The following KDM5A variants were observed in gnomAD, a reference collection of about 807,000 sequenced individuals.
KDM5A encodes the protein lysine demethylase 5A, also known as lysine-specific demethylase 5A.
In KDM5A, 42 loss-of-function variants were observed where a neutral mutation model predicts 193.5. The observed-to-expected ratio is 0.22, with a 90% CI of 0.17 to 0.28. The LOEUF (loss-of-function observed/expected upper bound fraction) is 0.28. KDM5A is among the 10% of genes least tolerant of loss of function. The pLI, the probability that KDM5A is intolerant of heterozygous loss-of-function variation, is 1.00. For synonymous variants in KDM5A, 796 were observed against 718.1 expected (o/e 1.11, Z -1.73); for missense variants, 1,692 against 2,055.1 (o/e 0.82, Z 3.42).
At chr12:306,295 T>G (rs1483061374) in intron 24 of KDM5A, among the ~76,000 whole-genome samples, 6 of 152,038 alleles carry the variant, frequency 3.9e-5, no homozygotes, top group Non-Finnish European at 8.8e-5. Flanking sequence ...TTCTTAAAAC[T>G]TAACTGTATA....
At chr12:312,847 G>C (rs1943605621) in intron 20 of KDM5A, among the ~76,000 whole-genome samples, 1 of 152,064 alleles carries the variant, frequency 6.6e-6, no homozygotes, top group Admixed American at 6.6e-5. Context: ...TGCTAGCCTG[G>C]CACAAGTTCA....
intron 3 of KDM5A, among the ~76,000 whole-genome samples, chr12:383,172 A>G (rs897337185): frequency 2.0e-5 from 3 of 152,024 alleles, no homozygotes; most frequent in Non-Finnish European, 4.4e-5. Context: ...TATACCACAC[A>G]TAAGAATGCT....
intron 10 of KDM5A, among the ~76,000 whole-genome samples, chr12:342,851 A>C (rs973749792): frequency 1.3e-5 from 2 of 151,304 alleles, no homozygotes; most frequent in African/African-American, 4.9e-5. Flanking sequence ...TACAGCTTCC[A>C]GCGTGCTCAA....
chr12:342,263 A>G (rs1944015066), intron 10 of KDM5A, among the ~76,000 whole-genome samples: 1 of 152,194 alleles, frequency 6.6e-6, no homozygotes, highest in African/African-American at 2.4e-5. Flanking sequence ...ATTGCCAATT[A>G]TAGGGGGAAA....
chr12:358,759 G>A (rs1162666719), intron 5 of KDM5A, among the ~76,000 whole-genome samples: 2 of 151,730 alleles, frequency 1.3e-5, no homozygotes, highest in Non-Finnish European at 2.9e-5. Context: ...GGATCACAAG[G>A]TCCGTAATTC....
chr12:349,201 G>C (rs973626604), intron 10 of KDM5A, among the ~76,000 whole-genome samples: 12 of 151,470 alleles, frequency 7.9e-5, no homozygotes, highest in Non-Finnish European at 1.8e-4. Context: ...TTTATATTTA[G>C]TAGAGACGGG....
chr12:370,721 T>G (rs925076629), intron 3 of KDM5A, among the ~76,000 whole-genome samples: 3 of 152,158 alleles, frequency 2.0e-5, no homozygotes, highest in Non-Finnish European at 4.4e-5. Flanking sequence ...ACACATTAAC[T>G]AATCACTTAC....
chr12:294,151 C>A (rs1943339544), intron 26 of KDM5A, among the ~76,000 whole-genome samples: 1 of 152,064 alleles, frequency 6.6e-6, no homozygotes, highest in South Asian at 2.1e-4. Flanking sequence ...AGTGACTTTG[C>A]CAAGGGCTAG....
intron 22 of KDM5A, among the ~76,000 whole-genome samples, chr12:308,707 ACTT>A (rs1340669949): frequency 6.6e-6 from 1 of 152,206 alleles, no homozygotes. Context: ...TTCCAGTCCT[ACTT>A]GTCTAGCAAG....
chr12:303,881 G>C (rs1943474196), intron 24 of KDM5A, among the ~76,000 whole-genome samples: 1 of 152,194 alleles, frequency 6.6e-6, no homozygotes, highest in African/African-American at 2.4e-5. Flanking sequence ...TTCATGTAAT[G>C]TCATTGGTAG....
intron 6 of KDM5A, 105 bp downstream of exon 6, chr12:356,327 A>G (rs1218507692): frequency 2.6e-6 from 2 of 783,280 alleles, no homozygotes; most frequent in South Asian, 1.5e-5. Context: ...CGATTTTACA[A>G]TTCTTAAGAA....
intron 27 of KDM5A, among the ~76,000 whole-genome samples, chr12:287,789 A>G (rs1421053154): frequency 6.6e-6 from 1 of 152,158 alleles, no homozygotes; most frequent in Non-Finnish European, 1.5e-5. Context: ...ATGCTAATCC[A>G]TTGGATAAGA....
chr12:368,262 G>A (rs73041869), intron 3 of KDM5A, among the ~76,000 whole-genome samples: 99 of 152,256 alleles, frequency 6.5e-4, no homozygotes, highest in Non-Finnish European at 1.3e-3. Flanking sequence ...TGGTGGAAGG[G>A]AGAAGTCCTG....
At chr12:298,248 G>A (rs559612693) in intron 24 of KDM5A, among the ~76,000 whole-genome samples, 7 of 152,288 alleles carry the variant, frequency 4.6e-5, no homozygotes, top group South Asian at 2.1e-4. Context: ...GCATCCTGAC[G>A]GGGAGACACC....
chr12:376,033 C>T (rs143815685), intron 3 of KDM5A, among the ~76,000 whole-genome samples: 4,415 of 152,326 alleles, frequency 0.029, 207 homozygotes, highest in African/African-American at 0.099. Flanking sequence ...GGTCAGGGAC[C>T]CACATAAGGA....
In KDM5A at chr12:338,305, G is replaced by C. The variant is rs1943959261; in HGVS notation, c.1309-3883C>G. On this transcript the variant is annotated intron_variant, in intron 10 of 27. Coordinates refer to ENST00000399788, the MANE Select transcript of KDM5A (RefSeq NM_001042603.3). Reference sequence around the variant, plus strand: ...TTTCCTTCTAGGAGTTTGGAATTTTGGTATGTGATTCACAAAGGGTGCCCA... The same window carrying C: ...TTTCCTTCTAGGAGTTTGGAATTTTCGTATGTGATTCACAAAGGGTGCCCA... Among the ~76,000 whole-genome samples the C allele has an allele frequency of 2.6e-5, 4 of 152,264 alleles. No homozygotes were observed. In the South Asian group the frequency reaches 8.3e-4, roughly 32 times the overall value.
chr12:357,191 G>A (rs955624552), intron 5 of KDM5A, among the ~76,000 whole-genome samples: 3 of 152,068 alleles, frequency 2.0e-5, no homozygotes, highest in African/African-American at 7.2e-5. Context: ...TGAGGCTGGA[G>A]ATCACTTGAG....
chr12:368,442 A>C (rs753893295), intron 3 of KDM5A, among the ~76,000 whole-genome samples: 2 of 152,198 alleles, frequency 1.3e-5, no homozygotes, highest in Non-Finnish European at 2.9e-5. Flanking sequence ...TACTAGTTAT[A>C]TGACCTTGGC....
In KDM5A at chr12:310,742, G is replaced by A. The variant is rs28372840; in HGVS notation, c.3216+143C>T. 774 of 960,170 alleles carry A rather than the reference G, an allele frequency of 8.1e-4. 17 individuals carry two copies. In the East Asian group the frequency reaches 0.019, roughly 24 times the overall value. The allele number at this position is 960,170 out of a possible 1,614,324, so 59.5% of individuals were successfully genotyped here. A position where few individuals can be genotyped will look rare whatever the true frequency, so the allele number is the denominator to read the frequency against. On this transcript the variant is annotated intron_variant, in intron 21 of 27. Coordinates refer to ENST00000399788, the MANE Select transcript of KDM5A (RefSeq NM_001042603.3). The stretch of plus-strand genomic sequence containing the variant: ...TTAACTGGAAATGAATCTGCCCAAG[G>A]TTCCAGATTTCAAGTCAACATCTGA...
Sources: gnomAD v4.1 joint callset for allele counts (sites outside exome capture counted in the v4.1 genomes callset) on GRCh38, gnomAD v4.1.1 for gene constraint, MANE v1.5 for transcripts, NCBI Gene and HGNC (gene_info 2026-07-23, HGNC 2026-07-21) for gene names.